Variants in CRYBG1 observed in about 807,000 individuals in gnomAD.
The protein encoded by CRYBG1 is beta/gamma crystallin domain-containing protein 1.
Under a neutral mutation model 189.2 loss-of-function variants are expected in CRYBG1, and 139 were observed. The observed-to-expected ratio is 0.73, with a 90% CI of 0.64 to 0.85. CRYBG1 has a LOEUF of 0.85. Ranked by LOEUF, CRYBG1 falls within the 40% of genes least tolerant of loss-of-function variation. The pLI, the probability that CRYBG1 is intolerant of heterozygous loss-of-function variation, is 0.00. For missense variants in CRYBG1, 2,611 were observed against 2,675.8 expected (o/e 0.98, Z 0.53); for synonymous variants, 1,023 against 1,017.1 (o/e 1.01, Z -0.11).
intron 2 of CRYBG1, among the ~76,000 whole-genome samples, chr6:106,474,017 G>A (rs748932883): frequency 6.6e-6 from 1 of 152,168 alleles, no homozygotes; most frequent in South Asian, 2.1e-4. Flanking sequence ...CCAAACTATG[G>A]CAAACTAAAC....
Position 106,494,570 on chromosome 6 carries a change from T to A in CRYBG1, c.313-16860T>A, listed in dbSNP as rs1286630322. The stretch of plus-strand genomic sequence containing the variant: ...ATCAAAGACTTAAGTAATTAAGAGG[T>A]CTGATAGTAGTGTCATTATTTTGTG... On this transcript the variant is annotated intron_variant, in intron 2 of 21. Coordinates refer to ENST00000633556, the MANE Select transcript of CRYBG1 (RefSeq NM_001371242.2). Among the ~76,000 whole-genome samples the A allele has an allele frequency of 3.9e-5, 6 of 152,288 alleles. No homozygotes were observed. The South Asian group carries it at 1.0e-3, about 26-fold the overall frequency.
At chr6:106,409,137 C>A (rs1279425786) in intron 1 of CRYBG1, among the ~76,000 whole-genome samples, 1 of 152,110 alleles carries the variant, frequency 6.6e-6, no homozygotes, top group East Asian at 1.9e-4. Flanking sequence ...TTGTCTCAGC[C>A]CAAAAATCTT....
At chr6:106,531,027 A>G (rs1280688357) in intron 8 of CRYBG1, among the ~76,000 whole-genome samples, 1 of 152,180 alleles carries the variant, frequency 6.6e-6, no homozygotes, top group Non-Finnish European at 1.5e-5. Flanking sequence ...AATGTATATA[A>G]TTTATAAATA....
chr6:106,568,132 C>A (rs1774946751), intron 21 of CRYBG1, among the ~76,000 whole-genome samples: 1 of 147,670 alleles, frequency 6.8e-6, no homozygotes, highest in African/African-American at 2.6e-5. Context: ...CTTTTCCCTT[C>A]TCTCGGGTTT....
chr6:106,532,787 T>G (rs1724338845), intron 8 of CRYBG1, among the ~76,000 whole-genome samples: 1 of 152,206 alleles, frequency 6.6e-6, no homozygotes, highest in African/African-American at 2.4e-5. Context: ...GCTCTGAAAT[T>G]TTTAAAGGTG....
At chr6:106,557,432 T>C (rs1369878578) in intron 17 of CRYBG1, among the ~76,000 whole-genome samples, 1 of 149,012 alleles carries the variant, frequency 6.7e-6, no homozygotes, top group African/African-American at 2.5e-5. Context: ...TGAAATGGAG[T>C]CTCACTCAGT....
At chr6:106,404,113 TC>T (rs1384016138) in intron 1 of CRYBG1, among the ~76,000 whole-genome samples, 4 of 152,242 alleles carry the variant, frequency 2.6e-5, no homozygotes, top group Non-Finnish European at 5.9e-5. Flanking sequence ...TTGGTGCTTT[TC>T]ACAGCAAGCT....
rs1012474124 is a variant in CRYBG1 at position 106,521,562 on chromosome 6, A to G, written c.4245+109A>G. Reference sequence around the variant, plus strand: ...TTAGAAATGGTTAAGCTTATGTGCTATAGTTTTTATTCATTCATCACATAT... The same window carrying G: ...TTAGAAATGGTTAAGCTTATGTGCTGTAGTTTTTATTCATTCATCACATAT... On this transcript the variant is annotated intron_variant, in intron 4 of 21. Transcript: ENST00000633556. 6.5e-6 allele frequency: 8 copies of G among 1,236,554 alleles called. No individual in the cohort carries two copies. The East Asian group carries it at 1.4e-4, about 22-fold the overall frequency. 76.6% of individuals were successfully genotyped at this position (1,236,554 alleles called of 1,614,324 possible).
chr6:106,450,269 A>G (rs983335895), intron 1 of CRYBG1, among the ~76,000 whole-genome samples: 36 of 151,732 alleles, frequency 2.4e-4, no homozygotes, highest in Non-Finnish European at 3.4e-4. Context: ...ATGCCCATCT[A>G]TATCTCCCTT....
chr6:106,377,708 AAT>A (rs1770200633), intron 1 of CRYBG1, among the ~76,000 whole-genome samples: 1 of 150,332 alleles, frequency 6.7e-6, no homozygotes, highest in South Asian at 2.1e-4. Flanking sequence ...CCTATTTTTA[AAT>A]ATGTCTTTGC....
At chr6:106,389,138 C>A (rs972761944) in intron 1 of CRYBG1, among the ~76,000 whole-genome samples, 1 of 152,032 alleles carries the variant, frequency 6.6e-6, no homozygotes, top group Non-Finnish European at 1.5e-5. Context: ...GACTTTTTAT[C>A]ATTTTGTAAA....
chr6:106,476,138 T>A (rs1170870170), intron 2 of CRYBG1, among the ~76,000 whole-genome samples: 1 of 152,212 alleles, frequency 6.6e-6, no homozygotes, highest in Non-Finnish European at 1.5e-5. Context: ...AAAGTATATT[T>A]CCAAAATTCA....
At chr6:106,432,840 C>CTTTTTTTTTTTTT (rs5878888) in intron 1 of CRYBG1, among the ~76,000 whole-genome samples, 1 of 128,880 alleles carries the variant, frequency 7.8e-6, no homozygotes, top group Non-Finnish European at 1.6e-5. Flanking sequence ...TCTTTTCTTT[C>CTTTTTTTTTTTTT]TTTTTTTTTT....
At chr6:106,412,519 A>G (rs987198318) in intron 1 of CRYBG1, among the ~76,000 whole-genome samples, 1 of 152,214 alleles carries the variant, frequency 6.6e-6, no homozygotes, top group Admixed American at 6.5e-5. Context: ...ATATGTTATT[A>G]CATTACTGTT....
intron 16 of CRYBG1, among the ~76,000 whole-genome samples, chr6:106,555,315 C>G (rs1258349436): frequency 6.6e-6 from 1 of 151,866 alleles, no homozygotes; most frequent in East Asian, 1.9e-4. Context: ...TGACTCCTGG[C>G]CCAGTGCAGA....
chr6:106,517,463 T>C (rs964756669), intron 3 of CRYBG1, among the ~76,000 whole-genome samples: 11 of 105,462 alleles, frequency 1.0e-4, no homozygotes, highest in East Asian at 2.1e-4. Flanking sequence ...CATATATATA[T>C]ACACACACAC....
chr6:106,519,470 CGTCTCGG>C lies in CRYBG1; in HGVS notation c.2263_2269del (p.Val755LysfsTer11), dbSNP rs1773530150. ...AAACTGCTATAGAAACCAAAGTTAC[CGTCTCGG>C]AAGAAGAGATTCTGCCAGCAACCAG... On this transcript the variant is annotated frameshift_variant, in exon 4 of 22. Transcript: ENST00000633556. LOFTEE classifies it high-confidence loss of function. 20 of 1,613,966 alleles carry C rather than the reference CGTCTCGG, an allele frequency of 1.2e-5. No homozygotes were observed. Among genetic ancestry groups the C allele is most frequent in the Non-Finnish European group, 1.7e-5 (20 of 1,180,036 alleles).
intron 2 of CRYBG1, among the ~76,000 whole-genome samples, chr6:106,486,321 T>G (rs1212886229): frequency 2.0e-5 from 3 of 152,196 alleles, no homozygotes; most frequent in Non-Finnish European, 4.4e-5. Flanking sequence ...TGAAAAGATA[T>G]TCTATCTTCT....
chr6:106,543,547 C>T lies in CRYBG1; in HGVS notation c.4989C>T (p.Asp1663=), dbSNP rs769954546. 3.7e-5 allele frequency: 60 copies of T among 1,613,890 alleles called. No homozygotes were observed. The highest frequency in any genetic ancestry group is 4.3e-5 in the Non-Finnish European group (51 of 1,179,948). Residue 1663 remains aspartate (D), a synonymous_variant, in exon 11 of 22, where the codon GAC becomes GAT. Transcript: ENST00000633556. ...GTGAAACAGAAGAGGCGACTGGAGACGATCATTTGCCGTTTACGTCAGTGG... is the reference window on the plus strand; with the variant it reads ...GTGAAACAGAAGAGGCGACTGGAGATGATCATTTGCCGTTTACGTCAGTGG... ...EGGETEEATG[D]DHLPFTSVGS...
Sources: allele counts gnomAD v4.1 joint callset (sites outside exome capture counted in the v4.1 genomes callset), GRCh38; gene constraint gnomAD v4.1.1; transcripts MANE v1.5; gene names NCBI Gene and HGNC (gene_info 2026-07-23, HGNC 2026-07-21).